The following TRABD2B variants were observed in gnomAD, a reference collection of about 807,000 sequenced individuals.
TRABD2B encodes the protein TraB domain containing 2B.
In TRABD2B, 14 loss-of-function variants were observed where a neutral mutation model predicts 40.1. That is an observed-to-expected ratio of 0.35 (90% CI 0.23 to 0.55). The LOEUF (loss-of-function observed/expected upper bound fraction) is 0.55, where lower values mean the gene tolerates loss of function less well. TRABD2B is among the 20% of genes least tolerant of loss of function. The probability of loss-of-function intolerance (pLI) is 0.90; values close to 1 mark genes in which losing one functional copy is unlikely to be tolerated. For synonymous variants in TRABD2B, 263 were observed against 277.0 expected, an observed-to-expected ratio of 0.95 and a Z score of 0.50; for missense variants, 541 against 648.6, an observed-to-expected ratio of 0.83 and a Z score of 1.80.
chr1:47,834,583 A>G (rs1019023161), intron 2 of TRABD2B, among the ~76,000 whole-genome samples: 3 of 151,740 alleles, frequency 2.0e-5, no homozygotes, highest in Non-Finnish European at 4.4e-5. Flanking sequence ...ACACGCGCAC[A>G]CACACACACA....
At chr1:47,951,730 C>T (rs529958250) in intron 2 of TRABD2B, among the ~76,000 whole-genome samples, 6 of 152,296 alleles carry the variant, frequency 3.9e-5, no homozygotes, top group East Asian at 3.9e-4. Context: ...TGACCCCTCA[C>T]CTTGGTCCAG....
chr1:47,992,638 G>A (rs962748833), intron 2 of TRABD2B, among the ~76,000 whole-genome samples: 14 of 152,100 alleles, frequency 9.2e-5, no homozygotes, highest in Non-Finnish European at 7.4e-5. Flanking sequence ...CGGGGGTCCC[G>A]ACACAGATAA....
chr1:47,829,694 T>G (rs1645223881), intron 2 of TRABD2B, among the ~76,000 whole-genome samples: 1 of 152,158 alleles, frequency 6.6e-6, no homozygotes, highest in South Asian at 2.1e-4. Context: ...GTTCTAAGAT[T>G]TAAATTGGAA....
intron 4 of TRABD2B, among the ~76,000 whole-genome samples, chr1:47,779,656 C>A (rs1470771015): frequency 1.3e-5 from 2 of 152,048 alleles, no homozygotes; most frequent in Non-Finnish European, 1.5e-5. Context: ...GCCTCGGGGG[C>A]CTCAGTCTCC....
At chr1:47,829,507 T>G (rs959438331) in intron 2 of TRABD2B, among the ~76,000 whole-genome samples, 13 of 152,128 alleles carry the variant, frequency 8.5e-5, no homozygotes, top group African/African-American at 3.1e-4. Context: ...CAGGAGCAGA[T>G]GCCCTGGGCT....
chr1:47,932,571 T>C (rs1212126447), intron 2 of TRABD2B, among the ~76,000 whole-genome samples: 2 of 151,830 alleles, frequency 1.3e-5, no homozygotes, highest in Admixed American at 6.6e-5. Flanking sequence ...GAGTGAGAAA[T>C]TGATGCAGGG....
intron 2 of TRABD2B, among the ~76,000 whole-genome samples, chr1:47,815,766 G>T (rs1019209270): frequency 4.0e-5 from 6 of 150,582 alleles, no homozygotes; most frequent in Admixed American, 2.0e-4. Context: ...GTGCACACAT[G>T]TGTGGGCAAG....
chr1:47,859,906 T>G (rs1643942213), intron 2 of TRABD2B, among the ~76,000 whole-genome samples: 1 of 152,202 alleles, frequency 6.6e-6, no homozygotes, highest in Non-Finnish European at 1.5e-5. Flanking sequence ...CACTTAGCCC[T>G]TACTACAACC....
intron 2 of TRABD2B, among the ~76,000 whole-genome samples, chr1:47,939,701 C>T (rs1645160663): frequency 6.6e-6 from 1 of 152,200 alleles, no homozygotes; most frequent in East Asian, 1.9e-4. Context: ...GTCACTGTTA[C>T]AGACAGGAAA....
At chr1:47,978,045 G>A (rs538178593) in intron 2 of TRABD2B, among the ~76,000 whole-genome samples, 1 of 151,952 alleles carries the variant, frequency 6.6e-6, no homozygotes, top group Non-Finnish European at 1.5e-5. Flanking sequence ...CCAAATTTGT[G>A]TCCCTCCCCA....
intron 2 of TRABD2B, among the ~76,000 whole-genome samples, chr1:47,830,984 C>T (rs1369764652): frequency 6.6e-6 from 1 of 152,170 alleles, no homozygotes; most frequent in Non-Finnish European, 1.5e-5. Context: ...GATGTTTGCT[C>T]AGAGAAAGGT....
At chr1:47,792,132 G>C (rs1332391299) in intron 4 of TRABD2B, among the ~76,000 whole-genome samples, 1 of 152,230 alleles carries the variant, frequency 6.6e-6, no homozygotes, top group Non-Finnish European at 1.5e-5. Flanking sequence ...CGTGGCTCCA[G>C]ATCTGTTGTT....
intron 2 of TRABD2B, among the ~76,000 whole-genome samples, chr1:47,941,249 A>T (rs12401857): frequency 0.2 from 30,051 of 151,864 alleles, 3,424 homozygotes; most frequent in Admixed American, 0.26. Context: ...AGAAGTCCCC[A>T]AGCTTCCGCT....
intron 2 of TRABD2B, among the ~76,000 whole-genome samples, chr1:47,958,088 A>C (rs978061491): frequency 2.6e-5 from 4 of 152,046 alleles, no homozygotes; most frequent in African/African-American, 9.7e-5. Context: ...TTCAACCCAG[A>C]ATTTCATATC....
intron 2 of TRABD2B, among the ~76,000 whole-genome samples, chr1:47,878,005 G>GA (rs761950614): frequency 2.9e-3 from 361 of 123,334 alleles, no homozygotes; most frequent in Middle Eastern, 9.3e-3. Flanking sequence ...CTCCATCTCA[G>GA]AAAAAAAAAA....
intron 4 of TRABD2B, among the ~76,000 whole-genome samples, chr1:47,779,274 G>A (rs995414209): frequency 3.3e-5 from 5 of 152,132 alleles, no homozygotes; most frequent in Admixed American, 2.0e-4. Flanking sequence ...CTGACTGATT[G>A]CAGGGCCTGG....
chr1:47,988,371 G>A (rs915096307), intron 2 of TRABD2B, among the ~76,000 whole-genome samples: 9 of 152,194 alleles, frequency 5.9e-5, no homozygotes, highest in African/African-American at 2.2e-4. Context: ...CTCAGGTAAT[G>A]AATTCTCGGC....
rs1297192491 is a variant in TRABD2B at position 47,763,583 on chromosome 1, G to T, written c.*2319C>A. 2 of 152,220 alleles carry T rather than the reference G, an allele frequency of 1.3e-5. No individual in the cohort carries two copies. The highest frequency in any genetic ancestry group is 2.9e-5 in the Non-Finnish European group (2 of 68,052). The allele number at this position is 152,220 out of a possible 1,614,324, so 9.4% of individuals were successfully genotyped here. On this transcript the variant is annotated 3_prime_UTR_variant, in exon 7 of 7. Transcript: ENST00000606738. ...TAATACAGAGCCTGGCATTGCATGT[G>T]CTCAGTAATTACAAGCTGCATTAAT...
At chr1:47,973,527 G>C (rs578175133) in intron 2 of TRABD2B, among the ~76,000 whole-genome samples, 1 of 152,202 alleles carries the variant, frequency 6.6e-6, no homozygotes, top group African/African-American at 2.4e-5. Context: ...ACTCGTACTT[G>C]CTCCTCCTCC....
Sources: allele counts gnomAD v4.1 joint callset (sites outside exome capture counted in the v4.1 genomes callset), GRCh38; gene constraint gnomAD v4.1.1; transcripts MANE v1.5; gene names NCBI Gene and HGNC (gene_info 2026-07-23, HGNC 2026-07-21).